Variants in HTT observed in about 807,000 individuals in gnomAD.
The protein encoded by HTT is huntington disease protein.
HTT carries 104 observed loss-of-function variants against 362.3 expected under a neutral mutation model. The observed-to-expected ratio is 0.29, with a 90% CI of 0.24 to 0.34. The LOEUF is 0.34. Among genes scored for constraint, HTT ranks in the 10% least tolerant of loss-of-function variants. HTT has a pLI of 1.00. For missense variants in HTT, 3,301 were observed against 3,928.6 expected (o/e 0.84, Z 4.27); for synonymous variants, 1,577 against 1,548.7 (o/e 1.02, Z -0.43).
In HTT at chr4:3,145,190, C is replaced by G; in HGVS notation, c.3105C>G (p.Ala1035=). ...AAGCTTTGTGTCTTCTTTCCACTGC[C>G]TTCCCAGTTTGCATTTGGAGTTTAG... ...CCEALCLLST[A]FPVCIWSLGW... Residue 1035 remains alanine (A), a synonymous_variant, in exon 24 of 67, where the codon GCC becomes GCG. Coordinates refer to ENST00000355072, the MANE Select transcript of HTT (RefSeq NM_001388492.1). 3 of 1,613,920 alleles carry G rather than the reference C, an allele frequency of 1.9e-6. No homozygotes were observed. Among genetic ancestry groups the G allele is most frequent in the Non-Finnish European group, 2.5e-6 (3 of 1,179,828 alleles).
Position 3,103,843 on chromosome 4 carries a change from T to C in HTT, c.488T>C (p.Leu163Pro). Residue 163 changes from leucine to proline, a missense_variant, in exon 4 of 67, where the codon CTT becomes CCT. By Grantham distance (98) the Leu-to-Pro change is moderately conservative (BLOSUM62 -3). Coordinates refer to ENST00000355072, the MANE Select transcript of HTT (RefSeq NM_001388492.1). ...TTGTAGGCTTTGATGGATTCTAATC[T>C]TCCAAGGTTACAGCTCGAGCTCTAT... is the stretch of plus-strand genomic sequence containing the variant. The part of the protein sequence containing the change: ...KVIKALMDSN[L>P]PRLQLELYKE... 6.2e-7 allele frequency: 1 copy of C among 1,604,886 alleles called. No homozygotes were observed. Among genetic ancestry groups the C allele is most frequent in the Non-Finnish European group, 8.5e-7 (1 of 1,172,496 alleles).
chr4:3,212,189 C>T (rs1471541768), intron 48 of HTT, 47 bp downstream of exon 48: 6 of 1,395,854 alleles, frequency 4.3e-6, no homozygotes, highest in Non-Finnish European at 6.0e-6. Context: ...CATTCCAGGG[C>T]CAGTATAGTA....
intron 40 of HTT, among the ~76,000 whole-genome samples, chr4:3,193,138 C>G (rs573724489): frequency 6.6e-6 from 1 of 152,220 alleles, no homozygotes; most frequent in Non-Finnish European, 1.5e-5. Flanking sequence ...AGGGCCCGGC[C>G]GCACGGCGCC....
chr4:3,166,827 C>T (rs1032864303), intron 29 of HTT, among the ~76,000 whole-genome samples: 7 of 152,228 alleles, frequency 4.6e-5, no homozygotes, highest in African/African-American at 1.7e-4. Context: ...TGTACTGCTC[C>T]TTCAGGTACA....
intron 64 of HTT, 90 bp downstream of exon 64, chr4:3,236,344 G>A: frequency 1.1e-6 from 1 of 913,950 alleles, no homozygotes; most frequent in African/African-American, 1.6e-5. Context: ...TGATCCCCTG[G>A]CGCTGTTGCT....
At chr4:3,150,654 TG>T (rs1482889408) in intron 26 of HTT, among the ~76,000 whole-genome samples, 3 of 152,218 alleles carry the variant, frequency 2.0e-5, no homozygotes, top group Admixed American at 6.5e-5. Flanking sequence ...CTAAATATTT[TG>T]CGAGAAGAAA....
intron 33 of HTT, among the ~76,000 whole-genome samples, chr4:3,176,755 C>G (rs1447811471): frequency 6.6e-6 from 1 of 152,220 alleles, no homozygotes; most frequent in Non-Finnish European, 1.5e-5. Flanking sequence ...AACCATTGAA[C>G]TCTATGCTGA....
At chr4:3,146,485 C>G (rs897236942) in intron 24 of HTT, among the ~76,000 whole-genome samples, 3 of 152,144 alleles carry the variant, frequency 2.0e-5, no homozygotes, top group African/African-American at 7.2e-5. Context: ...TTAACATGCC[C>G]AAATGTCTGG....
chr4:3,208,719 TAA>T (rs768955373), intron 45 of HTT, 52 bp from the exon 46 acceptor site: 6,188 of 1,176,936 alleles, frequency 5.3e-3, no homozygotes, highest in South Asian at 7.6e-3. Flanking sequence ...AGACTAAGAC[TAA>T]AAAAAAAAAA....
intron 29 of HTT, 51 bp downstream of exon 29, chr4:3,160,443 C>A: frequency 1.6e-6 from 2 of 1,231,696 alleles, no homozygotes; most frequent in Non-Finnish European, 2.3e-6. Context: ...ACTTGATGTG[C>A]GTCTTCTGGG....
intron 12 of HTT, chr4:3,129,564 T>C (rs1466357171): frequency 1.4e-5 from 3 of 207,542 alleles, no homozygotes; most frequent in African/African-American, 7.1e-5. Flanking sequence ...TGTTATATTG[T>C]TAGGTTTTTG....
chr4:3,113,295 C>T (rs558428443), intron 6 of HTT, among the ~76,000 whole-genome samples: 70 of 152,042 alleles, frequency 4.6e-4, no homozygotes, highest in Non-Finnish European at 8.1e-4. Flanking sequence ...TAATGAGTAG[C>T]TCTCATTGTG....
chr4:3,080,091 CTCTT>C (rs966899100), intron 1 of HTT, among the ~76,000 whole-genome samples: 10 of 151,968 alleles, frequency 6.6e-5, no homozygotes, highest in East Asian at 3.9e-4. Flanking sequence ...GGAACCCAGG[CTCTT>C]TCTTTTTTTT....
chr4:3,146,994 A>G lies in HTT; in HGVS notation c.3295+46A>G, dbSNP rs773592272. Reference sequence around the variant, plus strand: ...CAGGGACTCCAGGACTTGGATTTTGATTTCCTTAGGGGGAATGGGGGTGGT... The same window carrying G: ...CAGGGACTCCAGGACTTGGATTTTGGTTTCCTTAGGGGGAATGGGGGTGGT... On this transcript the variant is annotated intron_variant, in intron 25 of 66. Transcript: ENST00000355072. 18 of 1,598,204 alleles carry G rather than the reference A, an allele frequency of 1.1e-5. No homozygotes were observed. The Middle Eastern group carries it at 6.6e-4, about 59-fold the overall frequency.
chr4:3,189,109 T>G lies in HTT; in HGVS notation c.5368+16T>G, dbSNP rs902423244. ...TTCAAGTCTGGTAGGTGAATCACAT[T>G]AGTCTTCCTGGAGTGTCTCGTTCCC... is the stretch of plus-strand genomic sequence containing the variant. On this transcript the variant is annotated intron_variant, in intron 40 of 66. Transcript: ENST00000355072. 1 of 1,613,262 alleles carries G rather than the reference T, an allele frequency of 6.2e-7. No individual in the cohort carries two copies. The highest frequency in any genetic ancestry group is 1.3e-5 in the African/African-American group (1 of 75,048).
chr4:3,121,559 C>A, intron 9 of HTT, 127 bp downstream of exon 9: 1 of 645,320 alleles, frequency 1.5e-6, no homozygotes, highest in Non-Finnish European at 2.7e-6. Context: ...ACTTATAATA[C>A]AAATTTCATC....
intron 2 of HTT, among the ~76,000 whole-genome samples, chr4:3,088,549 A>G (rs993790409): frequency 1.3e-5 from 2 of 152,200 alleles, no homozygotes; most frequent in African/African-American, 2.4e-5. Context: ...ACAGTTCAGT[A>G]TATATATTCG....
chr4:3,207,128 C>G (rs1340366260), intron 44 of HTT, 145 bp downstream of exon 44: 5 of 1,037,730 alleles, frequency 4.8e-6, no homozygotes, highest in Non-Finnish European at 7.1e-6. Context: ...CTTGCCGTTA[C>G]TCGTGTGTCC....
chr4:3,115,958 G>A lies in HTT; in HGVS notation c.890-127G>A. 2 of 849,104 alleles carry A rather than the reference G, an allele frequency of 2.4e-6. 1 individual carries two copies. The highest frequency in any genetic ancestry group is 3.1e-5 in the South Asian group (2 of 64,306). The allele number at this position is 849,104 out of a possible 1,614,324, so 52.6% of individuals were successfully genotyped here. On this transcript the variant is annotated intron_variant, in intron 7 of 66. Transcript: ENST00000355072. ...GTAGCCATTCCCAGTGGGCCTCATG[G>A]CGTACTCGTTCATGATCATGTTTGT... is the stretch of plus-strand genomic sequence containing the variant.
Sources: allele counts gnomAD v4.1 joint callset (sites outside exome capture counted in the v4.1 genomes callset), GRCh38; gene constraint gnomAD v4.1.1; transcripts MANE v1.5; gene names NCBI Gene and HGNC (gene_info 2026-07-23, HGNC 2026-07-21).